Variants in BANK1 observed in about 807,000 individuals in gnomAD.
The protein encoded by BANK1 is B cell scaffold protein with ankyrin repeats 1.
A neutral mutation model predicts 94.5 loss-of-function variants in BANK1; 95 were observed. That is an observed-to-expected ratio of 1.00 (90% CI 0.85 to 1.19). The LOEUF (loss-of-function observed/expected upper bound fraction) is 1.19. BANK1 is among the 50% of genes most tolerant of loss of function. The pLI, the probability that BANK1 is intolerant of heterozygous loss-of-function variation, is 0.00. For missense variants in BANK1, 987 were observed against 932.2 expected, an observed-to-expected ratio of 1.06 and a Z score of -0.77; for synonymous variants, 334 against 308.4, an observed-to-expected ratio of 1.08 and a Z score of -0.87.
In BANK1 at chr4:101,852,469, G is replaced by GAT. The variant is rs1195239167; in HGVS notation, c.470-2566_470-2565insAT. Among the ~76,000 whole-genome samples the GAT allele has an allele frequency of 4.0e-3, 217 of 54,094 alleles. 2 individuals carry two copies. The highest frequency in any genetic ancestry group is 0.013 in the Middle Eastern group (1 of 76). The allele number at this position is 54,094 out of a possible 152,430, so 35.5% of individuals were successfully genotyped here. The stretch of plus-strand genomic sequence containing the variant: ...AGAAAGAACCACTCAATATTTTTCG[G>GAT]CTATATATATATATATATATATATA... On this transcript the variant is annotated intron_variant, in intron 2 of 16. Transcript: ENST00000322953.
At chr4:101,807,934 A>C (rs1725614301) in intron 1 of BANK1, among the ~76,000 whole-genome samples, 1 of 151,828 alleles carries the variant, frequency 6.6e-6, no homozygotes, top group Non-Finnish European at 1.5e-5. Context: ...TAAAAAAAAA[A>C]ATTAGCTGGC....
At chr4:101,833,323 T>C (rs554840775) in intron 2 of BANK1, among the ~76,000 whole-genome samples, 1 of 152,198 alleles carries the variant, frequency 6.6e-6, no homozygotes, top group Non-Finnish European at 1.5e-5. Flanking sequence ...TTTTTTTTGG[T>C]CCAGCCAATG....
chr4:101,934,316 A>T (rs1409153404), intron 7 of BANK1, among the ~76,000 whole-genome samples: 1 of 151,376 alleles, frequency 6.6e-6, no homozygotes, highest in Admixed American at 6.6e-5. Context: ...CTTTCTACTC[A>T]TGGTTTACTA....
At chr4:102,048,986 T>G (rs1052970247) in intron 11 of BANK1, among the ~76,000 whole-genome samples, 3 of 152,152 alleles carry the variant, frequency 2.0e-5, no homozygotes, top group Admixed American at 6.6e-5. Flanking sequence ...CCAATTTGGA[T>G]TTGAAATTAG....
intron 6 of BANK1, among the ~76,000 whole-genome samples, chr4:101,905,181 A>G (rs1173840854): frequency 6.6e-6 from 1 of 152,222 alleles, no homozygotes; most frequent in Non-Finnish European, 1.5e-5. Context: ...TCCTGTATGT[A>G]TTTGTACCCC....
chr4:102,008,055 A>G (rs1726363343), intron 7 of BANK1, among the ~76,000 whole-genome samples: 1 of 152,130 alleles, frequency 6.6e-6, no homozygotes, highest in African/African-American at 2.4e-5. Context: ...TCATTTCCCA[A>G]TATCTATTAT....
chr4:101,984,483 T>G (rs1048274330), intron 7 of BANK1, among the ~76,000 whole-genome samples: 3 of 152,118 alleles, frequency 2.0e-5, no homozygotes, highest in Non-Finnish European at 4.4e-5. Context: ...CATTTACCAT[T>G]GACCTCTCAG....
chr4:101,840,561 C>T (rs1411288544), intron 2 of BANK1, among the ~76,000 whole-genome samples: 1 of 152,160 alleles, frequency 6.6e-6, no homozygotes, highest in Non-Finnish European at 1.5e-5. Flanking sequence ...ATTCTTGTGC[C>T]TTAAGGACAT....
intron 1 of BANK1, among the ~76,000 whole-genome samples, chr4:101,795,723 A>G (rs1725132856): frequency 6.6e-6 from 1 of 152,172 alleles, no homozygotes; most frequent in African/African-American, 2.4e-5. Flanking sequence ...TAATTCTCTC[A>G]TGATTTCTCA....
intron 10 of BANK1, among the ~76,000 whole-genome samples, chr4:102,035,672 C>T (rs1266187699): frequency 6.6e-6 from 1 of 151,360 alleles, no homozygotes; most frequent in Admixed American, 6.6e-5. Flanking sequence ...AAAACTGAAC[C>T]CATGTTGATT....
chr4:101,826,968 C>T (rs1726389378), intron 1 of BANK1, among the ~76,000 whole-genome samples: 1 of 151,790 alleles, frequency 6.6e-6, no homozygotes, highest in African/African-American at 2.4e-5. Context: ...TTTTCTTCAC[C>T]ACATCAGTGG....
At chr4:101,899,543 T>C (rs547736460) in intron 6 of BANK1, among the ~76,000 whole-genome samples, 72 of 152,256 alleles carry the variant, frequency 4.7e-4, no homozygotes, top group African/African-American at 1.7e-3. Flanking sequence ...TTTTTTTACC[T>C]GCGTAACCAA....
intron 7 of BANK1, among the ~76,000 whole-genome samples, chr4:101,961,310 T>G (rs186755246): frequency 2.6e-5 from 4 of 152,264 alleles, no homozygotes; most frequent in Admixed American, 2.6e-4. Flanking sequence ...AAAGTTAGCG[T>G]CAGCCATGTC....
At chr4:101,874,337 T>A (rs1017739352) in intron 5 of BANK1, among the ~76,000 whole-genome samples, 1 of 152,204 alleles carries the variant, frequency 6.6e-6, no homozygotes, top group Admixed American at 6.5e-5. Context: ...AAAGGTTAAT[T>A]TCTTCATTGA....
chr4:101,862,869 A>G (rs551032778), intron 4 of BANK1, among the ~76,000 whole-genome samples: 3 of 152,170 alleles, frequency 2.0e-5, no homozygotes, highest in Non-Finnish European at 4.4e-5. Flanking sequence ...ATTAGTTTGT[A>G]TACTGTGTAA....
At chr4:101,861,773 T>G (rs1727886079) in intron 3 of BANK1, among the ~76,000 whole-genome samples, 1 of 152,114 alleles carries the variant, frequency 6.6e-6, no homozygotes, top group South Asian at 2.1e-4. Flanking sequence ...GAGTATAATT[T>G]CTAGTATAAA....
chr4:101,926,579 A>T (rs945486765), intron 7 of BANK1, among the ~76,000 whole-genome samples: 1 of 151,666 alleles, frequency 6.6e-6, no homozygotes, highest in East Asian at 2.0e-4. Context: ...ACAGACCAAA[A>T]CTCCTACCCT....
intron 2 of BANK1, among the ~76,000 whole-genome samples, chr4:101,845,358 T>G (rs749042421): frequency 5.9e-5 from 9 of 152,138 alleles, no homozygotes; most frequent in Non-Finnish European, 1.3e-4. Flanking sequence ...TCCCTGAAAT[T>G]TTATGAAAAT....
intron 5 of BANK1, among the ~76,000 whole-genome samples, chr4:101,873,934 A>G (rs35860418): frequency 0.35 from 52,471 of 152,032 alleles, 9,364 homozygotes; most frequent in African/African-American, 0.39. Flanking sequence ...TTGTAACTAG[A>G]TAACAATATA....
Sources: gnomAD v4.1 joint callset for allele counts (sites outside exome capture counted in the v4.1 genomes callset) on GRCh38, gnomAD v4.1.1 for gene constraint, MANE v1.5 for transcripts, NCBI Gene and HGNC (gene_info 2026-07-23, HGNC 2026-07-21) for gene names.